Variants in ATP2B2 observed in about 807,000 individuals in gnomAD.
The protein encoded by ATP2B2 is plasma membrane calcium-transporting ATPase 2.
In ATP2B2, 15 loss-of-function variants were observed where a neutral mutation model predicts 120.0. The ratio of observed to expected loss-of-function variants is 0.12; its 90% CI spans 0.08 to 0.19. The LOEUF is 0.19. ATP2B2 is among the 10% of genes least tolerant of loss of function. The pLI, the probability that ATP2B2 is intolerant of heterozygous loss-of-function variation, is 1.00. For missense variants in ATP2B2, 1,045 were observed against 1,719.8 expected, an observed-to-expected ratio of 0.61 and a Z score of 6.94; for synonymous variants, 694 against 700.3, an observed-to-expected ratio of 0.99 and a Z score of 0.14.
intron 2 of ATP2B2, among the ~76,000 whole-genome samples, chr3:10,606,955 A>AGG (rs1483866528): frequency 1.7e-5 from 1 of 59,650 alleles, no homozygotes; most frequent in African/African-American, 1.5e-4. Context: ...GGAGAGGGGG[A>AGG]GGGGGGGAGA....
At chr3:10,529,376 G>C (rs1347229401) in intron 3 of ATP2B2, among the ~76,000 whole-genome samples, 1 of 152,194 alleles carries the variant, frequency 6.6e-6, no homozygotes, top group Non-Finnish European at 1.5e-5. Context: ...CTAAGTCCCT[G>C]GCTTCCCGTG....
intron 2 of ATP2B2, among the ~76,000 whole-genome samples, chr3:10,576,190 C>T (rs4684714): frequency 0.063 from 9,592 of 152,246 alleles, 425 homozygotes; most frequent in South Asian, 0.23. Context: ...TGACTGCCCC[C>T]GTGGATGGAC....
intron 5 of ATP2B2, among the ~76,000 whole-genome samples, chr3:10,391,183 C>T (rs1196656611): frequency 3.3e-5 from 5 of 152,178 alleles, no homozygotes; most frequent in South Asian, 2.1e-4. Context: ...CTCATCTAGT[C>T]CTCAAACTGG....
intron 1 of ATP2B2, 63 bp downstream of exon 1, chr3:10,505,402 G>A (rs2066583844): frequency 6.6e-6 from 1 of 152,152 alleles, no homozygotes; most frequent in South Asian, 2.1e-4. Context: ...GGGAGGAAGG[G>A]GAGAGTGGAG....
intron 1 of ATP2B2, among the ~76,000 whole-genome samples, chr3:10,694,817 A>G (rs1196597289): frequency 6.6e-6 from 1 of 152,132 alleles, no homozygotes; most frequent in African/African-American, 2.4e-5. Context: ...CAAAGACTTA[A>G]GTAGGGATGT....
chr3:10,637,519 G>C (rs2070054901), intron 1 of ATP2B2, among the ~76,000 whole-genome samples: 1 of 152,180 alleles, frequency 6.6e-6, no homozygotes, highest in East Asian at 1.9e-4. Context: ...CACTGGATGG[G>C]CTCAATAGCA....
intron 2 of ATP2B2, among the ~76,000 whole-genome samples, chr3:10,595,011 C>G (rs540226653): frequency 1.3e-5 from 2 of 152,222 alleles, no homozygotes; most frequent in Admixed American, 6.5e-5. Context: ...AAGACCAATG[C>G]AATCGGAGAC....
chr3:10,395,826 C>T (rs534561597), intron 5 of ATP2B2, among the ~76,000 whole-genome samples: 88 of 152,280 alleles, frequency 5.8e-4, no homozygotes, highest in Admixed American at 1.9e-3. Context: ...ATTGGGCTGG[C>T]GCTTCTGCAG....
chr3:10,544,693 C>T (rs1168601074), intron 2 of ATP2B2, among the ~76,000 whole-genome samples: 1 of 152,212 alleles, frequency 6.6e-6, no homozygotes, highest in Non-Finnish European at 1.5e-5. Context: ...AGGGCTCCAC[C>T]TGTGCTCAAG....
chr3:10,618,203 T>C (rs1171275247), intron 2 of ATP2B2, among the ~76,000 whole-genome samples: 1 of 152,234 alleles, frequency 6.6e-6, no homozygotes. Flanking sequence ...GTCCTGCATC[T>C]TAATGGTCAA....
At chr3:10,389,265 C>A (rs769926014) in intron 5 of ATP2B2, among the ~76,000 whole-genome samples, 6 of 152,198 alleles carry the variant, frequency 3.9e-5, no homozygotes, top group Non-Finnish European at 5.9e-5. Context: ...GCTATTGTTT[C>A]ATGAGAGAGC....
At position 10,329,304 on chromosome 3, in the gene ATP2B2, T is replaced by A. The variant is rs565167672; in HGVS notation, c.3421-179A>T. 6.6e-6 allele frequency among the ~76,000 whole-genome samples: 1 copy of A among 152,116 alleles called. No individual in the cohort carries two copies. Among genetic ancestry groups the A allele is most frequent in the African/African-American group, 2.4e-5 (1 of 41,512 alleles). Reference sequence around the variant, plus strand: ...AGAGTGAAAAAGGGGGCTCAGGTTATAGGCATCCTTGAGCTGGTTTTTAAA... The same window carrying A: ...AGAGTGAAAAAGGGGGCTCAGGTTAAAGGCATCCTTGAGCTGGTTTTTAAA... On this transcript the variant is annotated intron_variant, in intron 22 of 22. Transcript: ENST00000360273. This position sits in a 1 kb window ranked among gnomAD's most constrained non-coding sequence, Gnocchi z 5.9.
chr3:10,472,029 C>T (rs1198148169), intron 1 of ATP2B2, among the ~76,000 whole-genome samples: 4 of 143,448 alleles, frequency 2.8e-5, no homozygotes, highest in East Asian at 2.1e-4. Flanking sequence ...TGGAGTGAGC[C>T]GAGATTGCGC....
intron 8 of ATP2B2, among the ~76,000 whole-genome samples, chr3:10,383,977 G>A (rs2061602285): frequency 6.6e-6 from 1 of 152,094 alleles, no homozygotes; most frequent in African/African-American, 2.4e-5. Context: ...TTGCCCACAT[G>A]GGTTCTCCTT....
Position 10,375,665 on chromosome 3 carries a change from G to A in ATP2B2, c.1202-21C>T, listed in dbSNP as rs769453271. On this transcript the variant is annotated intron_variant, in intron 10 of 22. Transcript: ENST00000360273. This position sits in a 1 kb window ranked among gnomAD's most constrained non-coding sequence, Gnocchi z 4.2. ...CAAGCCTGCAATGTGAGGGACACAT[G>A]CTTGGGGGGTTCCAGGAAGTGGAGG... is the stretch of plus-strand genomic sequence containing the variant. The A allele has an allele frequency of 6.2e-7, 1 of 1,608,056 alleles. No homozygotes were observed. The highest frequency in any genetic ancestry group is 1.7e-5 in the Admixed American group (1 of 59,906).
chr3:10,662,716 A>G (rs918874091), intron 1 of ATP2B2, among the ~76,000 whole-genome samples: 1 of 151,988 alleles, frequency 6.6e-6, no homozygotes, highest in Admixed American at 6.5e-5. Flanking sequence ...CAGAAATACC[A>G]TTTGACCCAG....
intron 3 of ATP2B2, among the ~76,000 whole-genome samples, chr3:10,531,200 C>A (rs1212260472): frequency 6.6e-6 from 1 of 152,180 alleles, no homozygotes; most frequent in South Asian, 2.1e-4. Flanking sequence ...TGCTGGCACA[C>A]ACTCCCTCCC....
chr3:10,404,229 C>T (rs991071467), intron 3 of ATP2B2, among the ~76,000 whole-genome samples: 2 of 152,214 alleles, frequency 1.3e-5, no homozygotes, highest in East Asian at 1.9e-4. Context: ...CCGTTCCCTT[C>T]GGGCCAGTAA....
At chr3:10,500,605 G>A (rs557764024) in intron 1 of ATP2B2, among the ~76,000 whole-genome samples, 2 of 151,982 alleles carry the variant, frequency 1.3e-5, no homozygotes, top group East Asian at 3.9e-4. Flanking sequence ...TGGGTGTGAC[G>A]CAGCCACAAG....
Sources: gnomAD v4.1 joint callset for allele counts (sites outside exome capture counted in the v4.1 genomes callset) on GRCh38, gnomAD v4.1.1 for gene constraint, Gnocchi (gnomAD v3.1) non-coding constraint, MANE v1.5 for transcripts, NCBI Gene and HGNC (gene_info 2026-07-23, HGNC 2026-07-21) for gene names.